PLCB1: variants seen among roughly 807,000 people sequenced by gnomAD.
PLCB1 encodes 1-phosphatidylinositol 4,5-bisphosphate phosphodiesterase beta-1.
In PLCB1, 46 loss-of-function variants were observed where a neutral mutation model predicts 161.8. The ratio of observed to expected loss-of-function variants is 0.28; its 90% CI spans 0.22 to 0.36. PLCB1 has a LOEUF of 0.36. PLCB1 is among the 10% of genes least tolerant of loss of function. The pLI, the probability that PLCB1 is intolerant of heterozygous loss-of-function variation, is 1.00. For missense variants in PLCB1, 1,016 were observed against 1,472.5 expected, an observed-to-expected ratio of 0.69 and a Z score of 5.07; for synonymous variants, 517 against 503.7, an observed-to-expected ratio of 1.03 and a Z score of -0.35.
intron 3 of PLCB1, among the ~76,000 whole-genome samples, chr20:8,533,539 G>T (rs1008162846): frequency 2.2e-4 from 34 of 152,154 alleles, no homozygotes; most frequent in African/African-American, 6.7e-4. Context: ...TTTCCTGACT[G>T]TTTAATGATT....
chr20:8,293,024 G>A (rs1216682601), intron 2 of PLCB1, among the ~76,000 whole-genome samples: 5 of 151,974 alleles, frequency 3.3e-5, no homozygotes, highest in Non-Finnish European at 7.4e-5. Flanking sequence ...TGACACTGTG[G>A]TTGCAAAAAC....
At chr20:8,230,056 CA>C (rs547874616) in intron 2 of PLCB1, among the ~76,000 whole-genome samples, 1,057 of 58,716 alleles carry the variant, frequency 0.018, 1 homozygote, top group Non-Finnish European at 0.027. Context: ...GACTTGGCAG[CA>C]AAAAAAAAAA....
Position 8,403,339 on chromosome 20 carries a change from C to G in PLCB1, c.246+31889C>G, listed in dbSNP as rs75479684. On this transcript the variant is annotated intron_variant, in intron 3 of 31. Transcript: ENST00000338037. ...AAGGCTTCCATGAGCTATGATCGCA[C>G]CACAGCACTCCTGTCTGGGTCAATG... Among the ~76,000 whole-genome samples, 47 of 152,124 alleles carry G rather than the reference C, an allele frequency of 3.1e-4. No homozygotes were observed. The East Asian group carries it at 9.1e-3, about 30-fold the overall frequency.
At chr20:8,147,789 G>T (rs982583106) in intron 1 of PLCB1, among the ~76,000 whole-genome samples, 1 of 151,980 alleles carries the variant, frequency 6.6e-6, no homozygotes, top group African/African-American at 2.4e-5. Flanking sequence ...TTTTGAAGGA[G>T]GGGAAGGAAT....
rs546228513 is a variant in PLCB1 at position 8,658,529 on chromosome 20, T to C, written c.696-9T>C. On this transcript the variant is annotated splice_polypyrimidine_tract_variant and intron_variant, in intron 8 of 31. Transcript: ENST00000338037. ...AAATTCTTATTGCTTGGTTTTTCAT[T>C]GTTTTTAGTGGTGCAAAAAGCAAAC... 1 of 1,567,630 alleles carries C rather than the reference T, an allele frequency of 6.4e-7. No homozygotes were observed. The highest frequency in any genetic ancestry group is 2.1e-5 in the Admixed American group (1 of 48,228).
chr20:8,557,186 C>A (rs1426515377), intron 3 of PLCB1, among the ~76,000 whole-genome samples: 1 of 151,606 alleles, frequency 6.6e-6, no homozygotes, highest in African/African-American at 2.4e-5. Context: ...TCAGCAAGTT[C>A]ACTTCCGGGT....
At chr20:8,206,499 T>A (rs1384563673) in intron 2 of PLCB1, among the ~76,000 whole-genome samples, 1 of 152,182 alleles carries the variant, frequency 6.6e-6, no homozygotes, top group Admixed American at 6.6e-5. Flanking sequence ...TCACTCTGAC[T>A]TGGAAATTAA....
At chr20:8,262,900 T>C (rs545034282) in intron 2 of PLCB1, among the ~76,000 whole-genome samples, 98 of 152,294 alleles carry the variant, frequency 6.4e-4, no homozygotes, top group African/African-American at 2.1e-3. Flanking sequence ...TTCCTCTTTT[T>C]ACAAGGGCTC....
At chr20:8,569,456 G>A (rs1279391541) in intron 3 of PLCB1, among the ~76,000 whole-genome samples, 3 of 151,992 alleles carry the variant, frequency 2.0e-5, no homozygotes, top group Non-Finnish European at 4.4e-5. Flanking sequence ...GGGTACTGTT[G>A]GTACTAAGAA....
chr20:8,468,288 C>T (rs936233927), intron 3 of PLCB1, among the ~76,000 whole-genome samples: 5 of 152,166 alleles, frequency 3.3e-5, no homozygotes, highest in African/African-American at 9.6e-5. Context: ...ACATTTAATA[C>T]GTGTGCATTT....
chr20:8,640,028 G>A (rs1988894616), intron 4 of PLCB1, among the ~76,000 whole-genome samples: 1 of 152,144 alleles, frequency 6.6e-6, no homozygotes, highest in African/African-American at 2.4e-5. Flanking sequence ...ACGGGATTGA[G>A]TTACCAAGGG....
chr20:8,439,510 A>G (rs1980457635), intron 3 of PLCB1, among the ~76,000 whole-genome samples: 1 of 152,318 alleles, frequency 6.6e-6, no homozygotes, highest in South Asian at 2.1e-4. Flanking sequence ...ATTTGTGTCA[A>G]ATTTTCTTGA....
intron 1 of PLCB1, among the ~76,000 whole-genome samples, chr20:8,139,108 A>G (rs1028562619): frequency 9.3e-5 from 5 of 53,608 alleles, no homozygotes; most frequent in Non-Finnish European, 1.2e-4. Flanking sequence ...TTTTTTTGAG[A>G]CAGAGTCTTG....
At chr20:8,192,956 C>A (rs1332776466) in intron 2 of PLCB1, among the ~76,000 whole-genome samples, 2 of 152,052 alleles carry the variant, frequency 1.3e-5, no homozygotes, top group Middle Eastern at 3.4e-3. Context: ...TGAGTGGATA[C>A]CTTTCAAATA....
chr20:8,373,227 A>G (rs1986960289), intron 3 of PLCB1, among the ~76,000 whole-genome samples: 1 of 152,116 alleles, frequency 6.6e-6, no homozygotes, highest in Admixed American at 6.6e-5. Context: ...TCTTTGAATT[A>G]TCTATGCTCC....
chr20:8,383,984 T>G (rs1266630736), intron 3 of PLCB1, among the ~76,000 whole-genome samples: 2 of 152,160 alleles, frequency 1.3e-5, no homozygotes, highest in East Asian at 3.9e-4. Flanking sequence ...TTGAAGAATC[T>G]GAAAATTATG....
intron 3 of PLCB1, among the ~76,000 whole-genome samples, chr20:8,390,318 T>C (rs1192473803): frequency 6.6e-6 from 1 of 152,198 alleles, no homozygotes; most frequent in African/African-American, 2.4e-5. Context: ...CTATTCCTAA[T>C]TTCCTCTTCT....
At chr20:8,603,917 C>G (rs1160253758) in intron 3 of PLCB1, among the ~76,000 whole-genome samples, 1 of 152,090 alleles carries the variant, frequency 6.6e-6, no homozygotes, top group East Asian at 1.9e-4. Flanking sequence ...GTTGCACAAC[C>G]TTGTGAATGT....
intron 3 of PLCB1, among the ~76,000 whole-genome samples, chr20:8,597,027 A>T (rs1987379850): frequency 1.4e-5 from 2 of 145,576 alleles, no homozygotes; most frequent in South Asian, 4.5e-4. Context: ...TTTTCTAGAT[A>T]TACAGTCATG....
Sources: gnomAD v4.1 joint callset for allele counts (sites outside exome capture counted in the v4.1 genomes callset) on GRCh38, gnomAD v4.1.1 for gene constraint, MANE v1.5 for transcripts, NCBI Gene and HGNC (gene_info 2026-07-23, HGNC 2026-07-21) for gene names.